Variants in CHN2 observed in about 807,000 individuals in gnomAD.
The protein encoded by CHN2 is beta-chimaerin.
CHN2 carries 35 observed loss-of-function variants against 56.3 expected under a neutral mutation model. That is an observed-to-expected ratio of 0.62 (90% CI 0.47 to 0.82). The LOEUF (loss-of-function observed/expected upper bound fraction) is 0.82, where lower values mean the gene tolerates loss of function less well. CHN2 is among the 40% of genes least tolerant of loss of function. The probability of loss-of-function intolerance (pLI) is 0.00; values close to 1 mark genes in which losing one functional copy is unlikely to be tolerated. For synonymous variants in CHN2, 210 were observed against 212.8 expected, an observed-to-expected ratio of 0.99 and a Z score of 0.12; for missense variants, 491 against 580.5, an observed-to-expected ratio of 0.85 and a Z score of 1.58.
intron 6 of CHN2, among the ~76,000 whole-genome samples, chr7:29,460,950 A>AG (rs1373933598): frequency 6.6e-6 from 1 of 152,244 alleles, no homozygotes; most frequent in African/African-American, 2.4e-5. Flanking sequence ...GATGCTTAAA[A>AG]GAAATAGTAA....
intron 1 of CHN2, among the ~76,000 whole-genome samples, chr7:29,344,478 A>G (rs1266869091): frequency 6.6e-6 from 1 of 151,954 alleles, no homozygotes; most frequent in Non-Finnish European, 1.5e-5. Context: ...TCCAGACACA[A>G]CAGAGCCTGT....
intron 5 of CHN2, among the ~76,000 whole-genome samples, 153 bp downstream of exon 5, chr7:29,398,639 C>A (rs1801960318): frequency 6.6e-6 from 1 of 152,158 alleles, no homozygotes; most frequent in South Asian, 2.1e-4. Context: ...CTCTCTCACC[C>A]AGGCTGGAGT....
At chr7:29,217,051 T>G (rs560997596) in intron 1 of CHN2, among the ~76,000 whole-genome samples, 4 of 152,210 alleles carry the variant, frequency 2.6e-5, no homozygotes, top group African/African-American at 9.7e-5. Flanking sequence ...TTTGAACATC[T>G]AAATATATGC....
intron 1 of CHN2, among the ~76,000 whole-genome samples, chr7:29,265,903 A>G (rs1015351027): frequency 1.3e-5 from 2 of 152,220 alleles, no homozygotes; most frequent in African/African-American, 2.4e-5. Flanking sequence ...AGTCACCTCA[A>G]GAAGACCCAG....
intron 2 of CHN2, among the ~76,000 whole-genome samples, chr7:29,169,880 G>GTGTGTA (rs148266761): frequency 0.12 from 17,924 of 149,706 alleles, 1,247 homozygotes; most frequent in African/African-American, 0.18. Context: ...GTGTGTGTGT[G>GTGTGTA]TATATATATA....
chr7:29,322,387 C>T (rs1264086667), intron 1 of CHN2, among the ~76,000 whole-genome samples: 1 of 152,178 alleles, frequency 6.6e-6, no homozygotes, highest in African/African-American at 2.4e-5. Flanking sequence ...AATTCTAAAC[C>T]CCACACCCCT....
intron 5 of CHN2, among the ~76,000 whole-genome samples, chr7:29,399,633 G>A (rs1464632909): frequency 6.6e-6 from 1 of 152,144 alleles, no homozygotes; most frequent in Non-Finnish European, 1.5e-5. Flanking sequence ...GAATTGGAAA[G>A]CCCTCTCTCC....
intron 6 of CHN2, among the ~76,000 whole-genome samples, chr7:29,467,952 G>A (rs1203186244): frequency 6.6e-6 from 1 of 152,104 alleles, no homozygotes; most frequent in Non-Finnish European, 1.5e-5. Context: ...TATGTTTTAA[G>A]TGGTAGGGAG....
chr7:29,184,862 A>G (rs1436256745), intron 2 of CHN2, among the ~76,000 whole-genome samples: 6 of 152,210 alleles, frequency 3.9e-5, no homozygotes, highest in Admixed American at 3.3e-4. Flanking sequence ...TGACTTAATT[A>G]TTCACCCTTT....
At chr7:29,189,216 G>T (rs1490642759) in intron 2 of CHN2, among the ~76,000 whole-genome samples, 3 of 151,822 alleles carry the variant, frequency 2.0e-5, no homozygotes, top group African/African-American at 4.8e-5. Context: ...CCTCCCAAAG[G>T]GCTGGGATTA....
chr7:29,409,717 A>G (rs368524795), intron 6 of CHN2, among the ~76,000 whole-genome samples: 48 of 152,378 alleles, frequency 3.2e-4, no homozygotes, highest in African/African-American at 1.1e-3. Flanking sequence ...TGCAATGTCA[A>G]TCACAGAAGG....
chr7:29,505,794 C>CA (rs1215456666), intron 10 of CHN2, among the ~76,000 whole-genome samples: 1 of 152,204 alleles, frequency 6.6e-6, no homozygotes, highest in Non-Finnish European at 1.5e-5. Flanking sequence ...GCATGTCTGT[C>CA]AGTCAGTCTA....
At position 29,211,449 on chromosome 7, in the gene CHN2, G is replaced by GGC. The variant is rs536614953; in HGVS notation, c.49+16460_49+16461dup. Among the ~76,000 whole-genome samples, 815 of 88,702 alleles carry GGC rather than the reference G, an allele frequency of 9.2e-3. 9 individuals are homozygous for GGC. Among genetic ancestry groups the GGC allele is most frequent in the African/African-American group, 0.033 (669 of 20,474 alleles). 58.2% of individuals were successfully genotyped at this position (88,702 alleles called of 152,430 possible). On this transcript the variant is annotated intron_variant, in intron 1 of 12. Transcript: ENST00000222792. ...AGACTAAACACAAATGCTGCATGTTGGCACACACACACACACACACACACA... is the reference window on the plus strand; with the variant it reads ...AGACTAAACACAAATGCTGCATGTTGGCGCACACACACACACACACACACACA...
At chr7:29,197,679 G>A (rs539268467) in intron 1 of CHN2, among the ~76,000 whole-genome samples, 7 of 152,296 alleles carry the variant, frequency 4.6e-5, no homozygotes, top group Admixed American at 1.3e-4. Flanking sequence ...ATAAGCACGC[G>A]AGTGTTTTCC....
intron 6 of CHN2, among the ~76,000 whole-genome samples, chr7:29,458,478 A>G (rs1468910485): frequency 2.0e-5 from 3 of 152,000 alleles, no homozygotes; most frequent in South Asian, 2.1e-4. Context: ...CTGTTCTCCA[A>G]TATTATATAA....
intron 1 of CHN2, among the ~76,000 whole-genome samples, chr7:29,302,217 G>A (rs897774395): frequency 4.6e-5 from 7 of 152,150 alleles, no homozygotes; most frequent in Non-Finnish European, 8.8e-5. Context: ...TTTAGCTGCC[G>A]CCACCGCTGC....
chr7:29,477,946 A>C (rs1278991139), intron 6 of CHN2, among the ~76,000 whole-genome samples: 1 of 152,184 alleles, frequency 6.6e-6, no homozygotes, highest in African/African-American at 2.4e-5. Context: ...ACACTTTTGT[A>C]GGGGGAAACA....
intron 2 of CHN2, among the ~76,000 whole-genome samples, chr7:29,356,694 C>G (rs939913504): frequency 6.6e-6 from 1 of 152,132 alleles, no homozygotes; most frequent in African/African-American, 2.4e-5. Context: ...TCTGTTCTTC[C>G]ATCTGTGAAA....
intron 6 of CHN2, among the ~76,000 whole-genome samples, chr7:29,458,957 AC>A (rs1784960084): frequency 6.6e-6 from 1 of 152,238 alleles, no homozygotes; most frequent in African/African-American, 2.4e-5. Context: ...ATGAAATTCA[AC>A]CAGTTAAGAA....
Sources: allele counts gnomAD v4.1 joint callset (sites outside exome capture counted in the v4.1 genomes callset), GRCh38; gene constraint gnomAD v4.1.1; transcripts MANE v1.5; gene names NCBI Gene and HGNC (gene_info 2026-07-23, HGNC 2026-07-21).